Variants in CSMD1 observed in about 807,000 individuals in gnomAD.
CSMD1 encodes CUB and sushi domain-containing protein 1.
CSMD1 carries 213 observed loss-of-function variants against 417.5 expected under a neutral mutation model. The ratio of observed to expected loss-of-function variants is 0.51; its 90% CI spans 0.46 to 0.57. CSMD1 has a LOEUF of 0.57. CSMD1 is among the 20% of genes least tolerant of loss of function. The pLI is 0.00. For synonymous variants in CSMD1, 2,862 were observed against 1,736.8 expected, an observed-to-expected ratio of 1.65 and a Z score of -16.11; for missense variants, 6,923 against 4,529.7, an observed-to-expected ratio of 1.53 and a Z score of -15.17.
chr8:3,041,482 C>T (rs184820332), intron 50 of CSMD1, among the ~76,000 whole-genome samples: 137 of 152,246 alleles, frequency 9.0e-4, no homozygotes, highest in African/African-American at 3.2e-3. Context: ...TTTTTCTAGG[C>T]GTAATATTAT....
At chr8:4,915,815 C>T (rs1806026655) in intron 1 of CSMD1, among the ~76,000 whole-genome samples, 1 of 152,328 alleles carries the variant, frequency 6.6e-6, no homozygotes, top group East Asian at 1.9e-4. Flanking sequence ...GGCATCTTGG[C>T]CACACGGAGA....
intron 1 of CSMD1, among the ~76,000 whole-genome samples, chr8:4,721,340 C>A (rs999063406): frequency 6.6e-6 from 1 of 152,078 alleles, no homozygotes; most frequent in East Asian, 1.9e-4. Context: ...AGAACAATCT[C>A]TTTTTATTCT....
chr8:3,931,340 C>T (rs1485776334), intron 5 of CSMD1, among the ~76,000 whole-genome samples: 1 of 150,346 alleles, frequency 6.7e-6, no homozygotes, highest in Non-Finnish European at 1.5e-5. Flanking sequence ...CAGAAAAGGG[C>T]CACTCTCTCT....
intron 26 of CSMD1, chr8:3,278,415 C>A (rs998444042): frequency 1.3e-5 from 2 of 152,134 alleles, no homozygotes; most frequent in African/African-American, 4.8e-5. Context: ...TCACATGTTA[C>A]TGACATAGAA....
intron 1 of CSMD1, among the ~76,000 whole-genome samples, chr8:4,890,693 G>C (rs990774341): frequency 2.6e-5 from 4 of 152,014 alleles, no homozygotes; most frequent in African/African-American, 4.8e-5. Flanking sequence ...CCCTGCTTTG[G>C]TTTTGTTCTG....
intron 3 of CSMD1, among the ~76,000 whole-genome samples, chr8:4,289,410 G>GGCTCCAAAAT (rs56032643): frequency 6.6e-6 from 1 of 151,972 alleles, no homozygotes; most frequent in East Asian, 1.9e-4. Flanking sequence ...AGGGAGCCAG[G>GGCTCCAAAAT]GCCTGTGTTT....
chr8:3,719,647 G>A (rs921375236), intron 6 of CSMD1, among the ~76,000 whole-genome samples: 1 of 152,130 alleles, frequency 6.6e-6, no homozygotes, highest in African/African-American at 2.4e-5. Flanking sequence ...CTCTGGGTAG[G>A]GCGGTCAGAT....
intron 2 of CSMD1, among the ~76,000 whole-genome samples, chr8:4,468,612 A>G (rs1800334004): frequency 6.6e-6 from 1 of 152,162 alleles, no homozygotes; most frequent in Non-Finnish European, 1.5e-5. Context: ...TCAAGATTCA[A>G]TTTGAACCTA....
intron 1 of CSMD1, among the ~76,000 whole-genome samples, chr8:4,906,445 G>C (rs937895652): frequency 1.3e-5 from 2 of 152,182 alleles, no homozygotes; most frequent in Non-Finnish European, 2.9e-5. Context: ...ACCAAGGACT[G>C]TGTTCATTAA....
intron 28 of CSMD1, among the ~76,000 whole-genome samples, chr8:3,219,974 T>G (rs1798106836): frequency 6.6e-6 from 1 of 152,098 alleles, no homozygotes; most frequent in Non-Finnish European, 1.5e-5. Flanking sequence ...AATGAGATCC[T>G]GTCTGTACAA....
chr8:4,697,607 G>A (rs1807224553), intron 1 of CSMD1, among the ~76,000 whole-genome samples: 1 of 152,096 alleles, frequency 6.6e-6, no homozygotes, highest in African/African-American at 2.4e-5. Context: ...CAGTCAATAA[G>A]TTCAACATTA....
At chr8:4,723,800 A>AAC (rs1554457671) in intron 1 of CSMD1, among the ~76,000 whole-genome samples, 1 of 120,844 alleles carries the variant, frequency 8.3e-6, no homozygotes, top group African/African-American at 3.7e-5. Flanking sequence ...AAAAAAAAAA[A>AAC]CAAAAAAAAA....
chr8:4,157,015 C>A (rs1026166304), intron 3 of CSMD1, among the ~76,000 whole-genome samples: 1 of 152,086 alleles, frequency 6.6e-6, no homozygotes, highest in Non-Finnish European at 1.5e-5. Context: ...GGGTGGTGGC[C>A]AGGCATTGAG....
intron 2 of CSMD1, among the ~76,000 whole-genome samples, chr8:4,533,755 C>T (rs1796955351): frequency 6.6e-6 from 1 of 151,900 alleles, no homozygotes; most frequent in South Asian, 2.1e-4. Flanking sequence ...AATAGTATTA[C>T]AGTGGGAGTA....
intron 20 of CSMD1, among the ~76,000 whole-genome samples, chr8:3,365,460 A>C (rs776053138): frequency 6.6e-6 from 1 of 152,246 alleles, no homozygotes; most frequent in East Asian, 1.9e-4. Context: ...TGAAGTTCTT[A>C]TTACAGTTGA....
intron 65 of CSMD1, among the ~76,000 whole-genome samples, chr8:2,953,483 G>C (rs185794395): frequency 4.0e-5 from 6 of 148,400 alleles, no homozygotes; most frequent in African/African-American, 1.5e-4. Flanking sequence ...GTTAAAACCT[G>C]AATAAAGAAA....
At chr8:3,062,936 T>C (rs943034281) in intron 49 of CSMD1, among the ~76,000 whole-genome samples, 1 of 152,114 alleles carries the variant, frequency 6.6e-6, no homozygotes, top group Non-Finnish European at 1.5e-5. Flanking sequence ...TTTTTCGGAA[T>C]ATAAAACAAA....
intron 3 of CSMD1, among the ~76,000 whole-genome samples, chr8:4,293,654 T>A (rs1317404146): frequency 6.6e-6 from 1 of 152,176 alleles, no homozygotes; most frequent in Admixed American, 6.5e-5. Flanking sequence ...CAGTCTCTTA[T>A]AAACCACCAA....
intron 5 of CSMD1, among the ~76,000 whole-genome samples, chr8:3,762,490 G>A (rs888430706): frequency 6.6e-6 from 1 of 152,186 alleles, no homozygotes; most frequent in African/African-American, 2.4e-5. Context: ...CTGTGCTTTG[G>A]TCAGATAGGC....
Sources: allele counts gnomAD v4.1 joint callset (sites outside exome capture counted in the v4.1 genomes callset), GRCh38; gene constraint gnomAD v4.1.1; transcripts MANE v1.5; gene names NCBI Gene and HGNC (gene_info 2026-07-23, HGNC 2026-07-21).